KAT6B: variants seen among roughly 807,000 people sequenced by gnomAD.
KAT6B encodes lysine acetyltransferase 6B.
Under a neutral mutation model 187.5 loss-of-function variants are expected in KAT6B, and 10 were observed. The observed-to-expected ratio is 0.05, with a 90% CI of 0.03 to 0.09. The LOEUF (loss-of-function observed/expected upper bound fraction) is 0.09. KAT6B is among the 10% of genes least tolerant of loss of function. The probability of loss-of-function intolerance (pLI) is 1.00; values close to 1 mark genes in which losing one functional copy is unlikely to be tolerated. For missense variants in KAT6B, 1,952 were observed against 2,558.9 expected (o/e 0.76, Z 5.12); for synonymous variants, 861 against 926.8 (o/e 0.93, Z 1.29).
At chr10:74,858,326 C>T (rs1310030347) in intron 3 of KAT6B, among the ~76,000 whole-genome samples, 1 of 146,992 alleles carries the variant, frequency 6.8e-6, no homozygotes, top group Non-Finnish European at 1.5e-5. Flanking sequence ...ACTTTGTTGC[C>T]CAGGCTGGAA....
chr10:74,972,730 T>G, intron 7 of KAT6B, 91 bp downstream of exon 7: 1 of 1,248,846 alleles, frequency 8.0e-7, no homozygotes, highest in Non-Finnish European at 1.2e-6. Context: ...AGGGGTTTTT[T>G]GGCATCATTT....
intron 2 of KAT6B, among the ~76,000 whole-genome samples, chr10:74,840,017 A>T (rs577847863): frequency 6.6e-6 from 1 of 152,356 alleles, no homozygotes; most frequent in African/African-American, 2.4e-5. Flanking sequence ...AACGAGATGA[A>T]ATTGAACGGT....
At position 74,976,093 on chromosome 10, in the gene KAT6B, C is replaced by T; in HGVS notation, c.1756C>T (p.His586Tyr). The T allele has an allele frequency of 6.2e-7, 1 of 1,614,186 alleles. No individual in the cohort carries two copies. The highest frequency in any genetic ancestry group is 1.7e-5 in the Admixed American group (1 of 60,026). ...ELSSTAKSKA[H>Y]FFGKRDIRSR... The stretch of plus-strand genomic sequence containing the variant: ...ATCTTCCACGGCAAAATCTAAAGCC[C>T]ACTTCTTTGGCAAAAGAGATATTAG... The change falls in exon 8 of 18, where the codon CAC becomes TAC. Residue 586 changes from histidine to tyrosine, a missense_variant. His to Tyr is a moderately conservative substitution (Grantham distance 83). Coordinates refer to ENST00000287239, the MANE Select transcript of KAT6B (RefSeq NM_012330.4).
At chr10:74,951,433 C>A (rs868614992) in intron 3 of KAT6B, among the ~76,000 whole-genome samples, 5 of 133,924 alleles carry the variant, frequency 3.7e-5, no homozygotes, top group Admixed American at 2.0e-4. Flanking sequence ...CGCCCAGCGA[C>A]CCTTTTTTTT....
chr10:74,923,420 G>A (rs969852516), intron 3 of KAT6B, among the ~76,000 whole-genome samples: 75 of 152,194 alleles, frequency 4.9e-4, no homozygotes, highest in African/African-American at 1.7e-3. Flanking sequence ...AATAATGTAA[G>A]TGAGTATATA....
intron 3 of KAT6B, among the ~76,000 whole-genome samples, chr10:74,938,690 G>A (rs752811699): frequency 6.6e-6 from 1 of 152,038 alleles, no homozygotes; most frequent in African/African-American, 2.4e-5. Context: ...AAACATACAT[G>A]GAGAGTTTCC....
At chr10:74,946,878 A>T (rs991074250) in intron 3 of KAT6B, among the ~76,000 whole-genome samples, 3 of 152,228 alleles carry the variant, frequency 2.0e-5, no homozygotes, top group African/African-American at 7.2e-5. Flanking sequence ...ATATGGCTCA[A>T]CTTAGTTGTA....
chr10:74,965,157 T>G (rs1841373488), intron 4 of KAT6B, among the ~76,000 whole-genome samples: 1 of 152,228 alleles, frequency 6.6e-6, no homozygotes, highest in South Asian at 2.1e-4. Context: ...ACATCACTAT[T>G]CTGTTCACAT....
At chr10:74,830,440 G>A (rs558110447) in intron 1 of KAT6B, among the ~76,000 whole-genome samples, 1 of 152,010 alleles carries the variant, frequency 6.6e-6, no homozygotes, top group African/African-American at 2.4e-5. Flanking sequence ...GTGACCATTT[G>A]TCCTGGTTTT....
At chr10:75,020,219 A>AT (rs1845291595) in intron 13 of KAT6B, among the ~76,000 whole-genome samples, 1 of 152,220 alleles carries the variant, frequency 6.6e-6, no homozygotes, top group African/African-American at 2.4e-5. Context: ...ATTTCTGAGT[A>AT]AGTGCCTGAC....
At chr10:74,849,733 C>T (rs149467136) in intron 3 of KAT6B, among the ~76,000 whole-genome samples, 23 of 152,328 alleles carry the variant, frequency 1.5e-4, no homozygotes, top group Non-Finnish European at 2.9e-4. Context: ...AAGTGCTTTA[C>T]ATTTATTATC....
chr10:75,014,285 G>A, intron 13 of KAT6B, among the ~76,000 whole-genome samples: 1 of 151,888 alleles, frequency 6.6e-6, no homozygotes. Context: ...GACCAGCCTG[G>A]GCAACATAGG....
chr10:74,953,660 A>C (rs2133429312), intron 3 of KAT6B, among the ~76,000 whole-genome samples: 1 of 152,300 alleles, frequency 6.6e-6, no homozygotes, highest in Middle Eastern at 3.4e-3. Context: ...ATGGATCTAT[A>C]GGGGATTATG....
At chr10:74,888,532 A>G (rs910205307) in intron 3 of KAT6B, among the ~76,000 whole-genome samples, 2 of 152,218 alleles carry the variant, frequency 1.3e-5, no homozygotes, top group African/African-American at 4.8e-5. Flanking sequence ...AAGCAACTAG[A>G]TATGATTTTA....
chr10:74,873,414 A>C (rs1334164740), intron 3 of KAT6B, among the ~76,000 whole-genome samples: 1 of 152,070 alleles, frequency 6.6e-6, no homozygotes, highest in Non-Finnish European at 1.5e-5. Flanking sequence ...GCAGTGAGCT[A>C]TGATCATGCC....
intron 12 of KAT6B, 33 bp downstream of exon 12, chr10:74,985,274 T>G (rs1344155154): frequency 6.2e-7 from 1 of 1,610,448 alleles, no homozygotes; most frequent in East Asian, 2.2e-5. Flanking sequence ...CTTCATTTTC[T>G]TTTTCAAAAT....
At chr10:74,973,549 C>G (rs1841976754) in intron 7 of KAT6B, among the ~76,000 whole-genome samples, 1 of 152,294 alleles carries the variant, frequency 6.6e-6, no homozygotes, top group Admixed American at 6.5e-5. Flanking sequence ...GAATCTCACT[C>G]CCTTGCTTAC....
chr10:74,831,542 C>A (rs1049616347), intron 1 of KAT6B, among the ~76,000 whole-genome samples: 1 of 152,136 alleles, frequency 6.6e-6, no homozygotes, highest in Admixed American at 6.5e-5. Context: ...TTTTTCTGTT[C>A]TCTGTCTTGA....
At chr10:74,949,523 T>C (rs1201224734) in intron 3 of KAT6B, among the ~76,000 whole-genome samples, 2 of 152,248 alleles carry the variant, frequency 1.3e-5, no homozygotes, top group Non-Finnish European at 2.9e-5. Context: ...TTCCTTCCAA[T>C]AGAATCACTT....
Sources: allele counts gnomAD v4.1 joint callset (sites outside exome capture counted in the v4.1 genomes callset), GRCh38; gene constraint gnomAD v4.1.1; transcripts MANE v1.5; gene names NCBI Gene and HGNC (gene_info 2026-07-23, HGNC 2026-07-21).